FAM13A: variants seen among roughly 807,000 people sequenced by gnomAD.
The protein encoded by FAM13A is protein FAM13A.
Under a neutral mutation model 129.6 loss-of-function variants are expected in FAM13A, and 76 were observed. That is an observed-to-expected ratio of 0.59 (90% confidence interval 0.49 to 0.71). The LOEUF is 0.71. FAM13A is among the 30% of genes least tolerant of loss of function. FAM13A has a pLI of 0.00. For synonymous variants in FAM13A, 443 were observed against 449.9 expected, an observed-to-expected ratio of 0.98 and a Z score of 0.20; for missense variants, 1,108 against 1,249.3, an observed-to-expected ratio of 0.89 and a Z score of 1.70.
intron 5 of FAM13A, among the ~76,000 whole-genome samples, chr4:88,919,834 C>A (rs943750959): frequency 5.9e-5 from 9 of 152,336 alleles, no homozygotes; most frequent in Middle Eastern, 6.8e-3. Flanking sequence ...AAAATCGGGT[C>A]ACTCCCACCC....
At chr4:88,970,974 C>T (rs964857700) in intron 4 of FAM13A, among the ~76,000 whole-genome samples, 7 of 152,136 alleles carry the variant, frequency 4.6e-5, no homozygotes, top group African/African-American at 7.2e-5. Flanking sequence ...TTCGGGAGGC[C>T]GAGGCGGGTG....
rs142872736 is a variant in FAM13A, at chr4:88,765,262, A to C, written c.1578+2291T>G. On this transcript the variant is annotated intron_variant, in intron 13 of 23. Transcript: ENST00000264344. ...TTGTTTGCTATGTTATCTTATGTGA[A>C]TCTGAGAGTTTACAAGGAGAATTTT... is the stretch of plus-strand genomic sequence containing the variant. 8.5e-4 allele frequency among the ~76,000 whole-genome samples: 130 copies of C among 152,342 alleles called. 1 individual carries two copies. Among genetic ancestry groups the C allele is most frequent in the Non-Finnish European group, 1.6e-3 (108 of 68,036 alleles).
intron 5 of FAM13A, among the ~76,000 whole-genome samples, chr4:88,921,380 G>T (rs1386619830): frequency 6.6e-6 from 1 of 152,228 alleles, no homozygotes; most frequent in Non-Finnish European, 1.5e-5. Flanking sequence ...AGCCAGAAGA[G>T]AGTGAGGGCC....
rs139277411 is a variant in FAM13A at position 88,781,173 on chromosome 4, C to T, written c.1450G>A (p.Gly484Ser). Reference sequence around the variant, plus strand: ...TAGACGTATTCACTTACCACAAGACCGTCCTGATTGTCATGAAGCTCAGAA... The same window carrying T: ...TAGACGTATTCACTTACCACAAGACTGTCCTGATTGTCATGAAGCTCAGAA... ...KLSELHDNQD[G>S]LVNMESLNST... is the part of the protein sequence containing the mutation. Residue 484 changes from glycine (G) to serine (S), a missense_variant, in exon 11 of 24, where the codon GGT becomes AGT. This residue lies in a region of FAM13A where 566 missense variants were observed against 595.7 expected (regional missense o/e 0.95). Transcript: ENST00000264344. 88 of 1,603,636 alleles carry T rather than the reference C, an allele frequency of 5.5e-5. No homozygotes were observed. Among genetic ancestry groups the T allele is most frequent in the Admixed American group, 8.5e-5 (5 of 58,936 alleles).
intron 4 of FAM13A, among the ~76,000 whole-genome samples, chr4:88,945,859 T>TAC (rs1755648578): frequency 7.7e-6 from 1 of 129,298 alleles, no homozygotes. Flanking sequence ...TATATATATA[T>TAC]ACACATAGAA....
chr4:88,855,520 A>G (rs1170056551), intron 6 of FAM13A: 1 of 152,174 alleles, frequency 6.6e-6, no homozygotes, highest in Non-Finnish European at 1.5e-5. Context: ...TATGAGATAC[A>G]GTATGAGCTA....
At position 88,977,127 on chromosome 4, in the gene FAM13A, GTAAGAGGT is replaced by G. The variant is rs1311062885; in HGVS notation, c.605+13838_605+13845del. Among the ~76,000 whole-genome samples the G allele has an allele frequency of 2.0e-5, 3 of 152,164 alleles. No individual in the cohort carries two copies. The East Asian group carries it at 5.8e-4, about 29-fold the overall frequency. ...AAGTTGAATTTATAAATGAGGTACA[GTAAGAGGT>G]TAACAACAATAACTAATAGTAAAAT... is the stretch of plus-strand genomic sequence containing the variant. On this transcript the variant is annotated intron_variant, in intron 4 of 23. Coordinates refer to ENST00000264344, the MANE Select transcript of FAM13A (RefSeq NM_014883.4).
intron 3 of FAM13A, among the ~76,000 whole-genome samples, chr4:89,013,783 C>T (rs996664307): frequency 3.3e-5 from 5 of 152,118 alleles, no homozygotes; most frequent in Non-Finnish European, 2.9e-5. Context: ...TACTATACAG[C>T]AAGTATAACG....
chr4:89,047,072 CACAGGG>C (rs1770949943), intron 1 of FAM13A, among the ~76,000 whole-genome samples: 1 of 152,110 alleles, frequency 6.6e-6, no homozygotes, highest in Non-Finnish European at 1.5e-5. Flanking sequence ...AGGCTCCGAA[CACAGGG>C]GAAGGGCAAG....
At chr4:89,013,599 A>T (rs1766039015) in intron 3 of FAM13A, among the ~76,000 whole-genome samples, 2 of 152,128 alleles carry the variant, frequency 1.3e-5, no homozygotes. Flanking sequence ...TTGCCCAGTG[A>T]TGTCATAGCC....
intron 4 of FAM13A, among the ~76,000 whole-genome samples, chr4:88,965,937 A>G (rs1417182509): frequency 6.6e-6 from 1 of 151,968 alleles, no homozygotes; most frequent in Non-Finnish European, 1.5e-5. Context: ...TATATACTAC[A>G]TTTGTTTACC....
At chr4:88,847,633 T>C (rs1303792472) in intron 7 of FAM13A, among the ~76,000 whole-genome samples, 1 of 152,060 alleles carries the variant, frequency 6.6e-6, no homozygotes, top group East Asian at 1.9e-4. Context: ...ATTGGATGAA[T>C]AAAAATTACA....
chr4:89,014,225 G>GT (rs1245411647), intron 3 of FAM13A, among the ~76,000 whole-genome samples: 3 of 152,178 alleles, frequency 2.0e-5, no homozygotes, highest in Admixed American at 6.5e-5. Context: ...TAAGCCTACC[G>GT]TATTTGCCAT....
In FAM13A at chr4:88,901,226, C is replaced by T. The variant is rs571727866; in HGVS notation, c.843+5153G>A. On this transcript the variant is annotated intron_variant, in intron 6 of 23. Transcript: ENST00000264344. ...TTAACACTCCACTGAAAATATTAGA[C>T]AGATCATCGAGACAGAAAATTAACA... Among the ~76,000 whole-genome samples, 34 of 152,170 alleles carry T rather than the reference C, an allele frequency of 2.2e-4. No homozygotes were observed. The East Asian group carries it at 5.6e-3, about 25-fold the overall frequency.
intron 7 of FAM13A, among the ~76,000 whole-genome samples, chr4:88,837,650 G>T (rs1218411946): frequency 6.7e-6 from 1 of 149,756 alleles, no homozygotes; most frequent in African/African-American, 2.5e-5. Flanking sequence ...CCTGGGAGGC[G>T]GAGGTTGCGG....
chr4:89,040,620 C>T (rs566803041), intron 1 of FAM13A, among the ~76,000 whole-genome samples: 1 of 152,266 alleles, frequency 6.6e-6, no homozygotes, highest in Non-Finnish European at 1.5e-5. Context: ...TTGGTTTTGC[C>T]ATTGACTGGT....
Position 88,747,692 on chromosome 4 carries a change from T to G in FAM13A, c.2321A>C (p.Glu774Ala). ...CTCCTGGAGCTTCCTCTGAATAGAT[T>G]CCAATGTGGCTTCAACACTGGGCTT... ...AIKPSVEATL[E>A]SIQRKLQEKR... The change falls in exon 18 of 24, where the codon GAA (glutamate) becomes GCA (alanine). Residue 774 changes from glutamate (E) to alanine (A), a missense_variant. Physicochemically the swap from Glu to Ala is moderately radical, Grantham distance 107. This residue lies in a region of FAM13A where 529 missense variants were observed against 621.2 expected (regional missense o/e 0.85). Coordinates refer to ENST00000264344, the MANE Select transcript of FAM13A (RefSeq NM_014883.4). The G allele has an allele frequency of 6.2e-7, 1 of 1,614,198 alleles. No homozygotes were observed. The highest frequency in any genetic ancestry group is 8.5e-7 in the Non-Finnish European group (1 of 1,180,042).
intron 6 of FAM13A, among the ~76,000 whole-genome samples, chr4:88,859,111 G>C (rs750574572): frequency 6.6e-6 from 1 of 152,270 alleles, no homozygotes; most frequent in East Asian, 1.9e-4. Context: ...TCAAAGGAGA[G>C]CTTGTATAAT....
chr4:88,945,837 T>C (rs1755629192), intron 4 of FAM13A, among the ~76,000 whole-genome samples: 1 of 138,432 alleles, frequency 7.2e-6, no homozygotes, highest in Admixed American at 7.3e-5. Context: ...ACATATTCTA[T>C]GTGTGTGTGT....
Sources: gnomAD v4.1 joint callset for allele counts (sites outside exome capture counted in the v4.1 genomes callset) on GRCh38, gnomAD v4.1.1 for gene constraint, gnomAD v4.1.1 regional missense constraint, MANE v1.5 for transcripts, NCBI Gene and HGNC (gene_info 2026-07-23, HGNC 2026-07-21) for gene names.